The following SEC62 variants were observed in gnomAD, a reference collection of about 807,000 sequenced individuals.
The protein encoded by SEC62 is SEC62 preprotein translocation factor.
A neutral mutation model predicts 47.5 loss-of-function variants in SEC62; 10 were observed. The observed-to-expected ratio is 0.21, with a 90% CI of 0.13 to 0.36. The LOEUF is 0.36. SEC62 is among the 10% of genes least tolerant of loss of function. The probability of loss-of-function intolerance (pLI) is 1.00; values close to 1 mark genes in which losing one functional copy is unlikely to be tolerated. For synonymous variants in SEC62, 136 were observed against 150.5 expected (o/e 0.90, Z 0.71); for missense variants, 327 against 464.1 (o/e 0.70, Z 2.71).
At chr3:169,982,998 G>A (rs988708388) in intron 4 of SEC62, 87 bp downstream of exon 4, 24 of 1,511,398 alleles carry the variant, frequency 1.6e-5, no homozygotes, top group Middle Eastern at 2.5e-4. Flanking sequence ...TAAGTATTAT[G>A]CAACACCTAC....
intron 1 of SEC62, among the ~76,000 whole-genome samples, chr3:169,968,170 C>T (rs1002399331): frequency 6.6e-6 from 1 of 152,098 alleles, no homozygotes; most frequent in Non-Finnish European, 1.5e-5. Flanking sequence ...ATTCCTCTGA[C>T]GTGGGTATAC....
At position 169,994,744 on chromosome 3, in the gene SEC62, A is replaced by T. The variant is rs1715334463; in HGVS notation, c.*1681A>T. 6.6e-6 allele frequency: 1 copy of T among 152,158 alleles called. No homozygotes were observed. Among genetic ancestry groups the T allele is most frequent in the African/African-American group, 2.4e-5 (1 of 41,454 alleles). The allele number at this position is 152,158 out of a possible 1,614,324, so 9.4% of individuals were successfully genotyped here. A position where few individuals can be genotyped will look rare whatever the true frequency, so the allele number is the denominator to read the frequency against. ...GTAACATTGATACCTATTTTGGGGT[A>T]TAAACATGGTGTTTTTCAGAAATAA... On this transcript the variant is annotated 3_prime_UTR_variant, in exon 8 of 8. Coordinates refer to ENST00000337002, the MANE Select transcript of SEC62 (RefSeq NM_003262.4).
At chr3:169,990,182 C>A (rs1377602955) in intron 7 of SEC62, among the ~76,000 whole-genome samples, 1 of 151,468 alleles carries the variant, frequency 6.6e-6, no homozygotes, top group African/African-American at 2.4e-5. Flanking sequence ...GCTCACTGTA[C>A]CCTCAAACTC....
rs962068251 is a variant in SEC62, at chr3:169,995,195, T to G, written c.*2132T>G. 1 of 152,204 alleles carries G rather than the reference T, an allele frequency of 6.6e-6. No individual in the cohort carries two copies. Among genetic ancestry groups the G allele is most frequent in the Admixed American group, 6.5e-5 (1 of 15,272 alleles). 9.4% of individuals were successfully genotyped at this position (152,204 alleles called of 1,614,324 possible). Reference sequence around the variant, plus strand: ...ATAATTGTTAATAGAATGGCGATTTTTTTTTAAGAACTTCAGATTTGCTAT... The same window carrying G: ...ATAATTGTTAATAGAATGGCGATTTGTTTTTAAGAACTTCAGATTTGCTAT... On this transcript the variant is annotated 3_prime_UTR_variant, in exon 8 of 8. Transcript: ENST00000337002.
chr3:169,967,248 C>T (rs1714554209), intron 1 of SEC62, among the ~76,000 whole-genome samples: 2 of 152,226 alleles, frequency 1.3e-5, no homozygotes, highest in African/African-American at 4.8e-5. Context: ...ACCCCATCCT[C>T]TGGCCTTAGC....
intron 3 of SEC62, among the ~76,000 whole-genome samples, chr3:169,978,272 T>C (rs1576858436): frequency 6.6e-6 from 1 of 151,370 alleles, no homozygotes; most frequent in South Asian, 2.1e-4. Context: ...GAGTGAGACA[T>C]TGTTGAGACA....
In SEC62 at chr3:169,994,384, A is replaced by G. The variant is rs1715324650; in HGVS notation, c.*1321A>G. The G allele has an allele frequency of 6.6e-6, 1 of 152,612 alleles. No individual in the cohort carries two copies. The highest frequency in any genetic ancestry group is 1.5e-5 in the Non-Finnish European group (1 of 68,014). The allele number at this position is 152,612 out of a possible 1,614,324, so 9.5% of individuals were successfully genotyped here. ...GCTTTGTGGTTGAAATAGGTAGTGT[A>G]TGTCAGTCTTTGCTTTAGGCTGTTT... is the stretch of plus-strand genomic sequence containing the variant. On this transcript the variant is annotated 3_prime_UTR_variant, in exon 8 of 8. Coordinates refer to ENST00000337002, the MANE Select transcript of SEC62 (RefSeq NM_003262.4).
intron 7 of SEC62, among the ~76,000 whole-genome samples, chr3:169,991,936 G>A (rs1346447007): frequency 6.6e-6 from 1 of 152,090 alleles, no homozygotes; most frequent in Non-Finnish European, 1.5e-5. Flanking sequence ...TTATACAGAT[G>A]TACAGAAAAT....
intron 1 of SEC62, chr3:169,968,255 C>T (rs1714605780): frequency 6.6e-6 from 1 of 152,180 alleles, no homozygotes; most frequent in Non-Finnish European, 1.5e-5. Context: ...TTACACTTGA[C>T]AGTACAATTT....
chr3:169,986,542 TAAAAAA>T (rs371649409), intron 6 of SEC62, among the ~76,000 whole-genome samples: 1 of 151,696 alleles, frequency 6.6e-6, no homozygotes, highest in Non-Finnish European at 1.5e-5. Context: ...CTAGAATAGA[TAAAAAA>T]AGAAAAGAAA....
In SEC62 at chr3:169,990,488, G is replaced by A. The variant is rs543500924; in HGVS notation, c.731-2106G>A. Among the ~76,000 whole-genome samples the A allele has an allele frequency of 1.2e-3, 182 of 151,940 alleles. 1 individual carries two copies. The highest frequency in any genetic ancestry group is 4.2e-3 in the African/African-American group (173 of 41,428). On this transcript the variant is annotated intron_variant, in intron 7 of 7. Coordinates refer to ENST00000337002, the MANE Select transcript of SEC62 (RefSeq NM_003262.4). ...TCTCGGTAATCTAGTGCCACATAGCGAAAAACTGTAAAACATGAACATTTT... is the reference window on the plus strand; with the variant it reads ...TCTCGGTAATCTAGTGCCACATAGCAAAAAACTGTAAAACATGAACATTTT...
intron 4 of SEC62, 123 bp from the exon 5 acceptor site, chr3:169,983,038 A>G: frequency 6.8e-7 from 1 of 1,477,694 alleles, no homozygotes; most frequent in East Asian, 2.3e-5. Flanking sequence ...GTTGTTATAA[A>G]TACCGTGGTT....
Position 169,982,721 on chromosome 3 carries a change from A to C in SEC62, c.266A>C (p.Gln89Pro). The C allele has an allele frequency of 6.2e-7, 1 of 1,608,772 alleles. No homozygotes were observed. The highest frequency in any genetic ancestry group is 1.1e-5 in the South Asian group (1 of 90,652). Residue 89 changes from glutamine to proline, a missense_variant, in exon 4 of 8, where the codon CAG (glutamine) becomes CCG (proline). Physicochemically the swap from Gln to Pro is moderately conservative, Grantham distance 76. Around this residue, in one of 3 missense-constraint regions of SEC62, gnomAD observed 126 missense variants for 161.2 expected, o/e 0.78. Coordinates refer to ENST00000337002, the MANE Select transcript of SEC62 (RefSeq NM_003262.4). ...TTTTCCCAAAGGCTTTTAAAGAAGC[A>C]GTTTTTTCACCGAGCCCTAAAAGTA... is the stretch of plus-strand genomic sequence containing the variant. ...VDYCNRLLKK[Q>P]FFHRALKVMK...
intron 7 of SEC62, among the ~76,000 whole-genome samples, chr3:169,988,989 C>T (rs1715171993): frequency 6.6e-6 from 1 of 151,738 alleles, no homozygotes; most frequent in African/African-American, 2.4e-5. Flanking sequence ...ATAATTTTCA[C>T]CCAAGTACCA....
In SEC62 at chr3:169,992,564, A is replaced by G. The variant is rs1325603614; in HGVS notation, c.731-30A>G. ...TCCCTTCTGAGGCAGTGTTTGAATT[A>G]CTCAATTAGAGAAATTTTTCTCCCC... is the stretch of plus-strand genomic sequence containing the variant. On this transcript the variant is annotated intron_variant, in intron 7 of 7. Transcript: ENST00000337002. This position sits in a 1 kb window ranked among gnomAD's most constrained non-coding sequence, Gnocchi z 4.0. The G allele has an allele frequency of 6.7e-7, 1 of 1,486,034 alleles. No homozygotes were observed. The highest frequency in any genetic ancestry group is 1.2e-5 in the South Asian group (1 of 84,128). The allele number at this position is 1,486,034 out of a possible 1,614,324, so 92.1% of individuals were successfully genotyped here.
intron 1 of SEC62, among the ~76,000 whole-genome samples, chr3:169,971,800 A>C (rs962439390): frequency 2.0e-5 from 3 of 152,186 alleles, no homozygotes; most frequent in Non-Finnish European, 4.4e-5. Flanking sequence ...TCAGTAGATT[A>C]GTATATTTAT....
At chr3:169,985,681 G>C in intron 5 of SEC62, 124 bp from the exon 6 acceptor site, 1 of 577,358 alleles carries the variant, frequency 1.7e-6, no homozygotes, top group Non-Finnish European at 2.9e-6. Flanking sequence ...ATTTACCTTA[G>C]AAATTACTTC....
intron 1 of SEC62, among the ~76,000 whole-genome samples, chr3:169,967,601 C>T (rs1048086491): frequency 1.3e-5 from 2 of 152,156 alleles, no homozygotes; most frequent in African/African-American, 2.4e-5. Flanking sequence ...TAACATCTCC[C>T]CCTAATTCCA....
intron 5 of SEC62, chr3:169,985,546 A>C: frequency 3.7e-6 from 1 of 273,194 alleles, no homozygotes; most frequent in Non-Finnish European, 6.8e-6. Context: ...CAGTCAAACA[A>C]ATTTTTAAGT....
Sources: gnomAD v4.1 joint callset for allele counts (sites outside exome capture counted in the v4.1 genomes callset) on GRCh38, gnomAD v4.1.1 for gene constraint, gnomAD v4.1.1 regional missense constraint, Gnocchi (gnomAD v3.1) non-coding constraint, MANE v1.5 for transcripts, NCBI Gene and HGNC (gene_info 2026-07-23, HGNC 2026-07-21) for gene names.